The following IFNAR1 variants were observed in gnomAD, a reference collection of about 807,000 sequenced individuals.
IFNAR1 encodes the protein interferon alpha and beta receptor subunit 1, also known as interferon alpha/beta receptor 1.
IFNAR1 carries 47 observed loss-of-function variants against 62.1 expected under a neutral mutation model. That is an observed-to-expected ratio of 0.76 (90% confidence interval 0.60 to 0.97). IFNAR1 has a LOEUF of 0.97. IFNAR1 is among the 50% of genes least tolerant of loss of function. The probability of loss-of-function intolerance (pLI) is 0.00; values close to 1 mark genes in which losing one functional copy is unlikely to be tolerated. For synonymous variants in IFNAR1, 219 were observed against 226.9 expected, an observed-to-expected ratio of 0.97 and a Z score of 0.31; for missense variants, 638 against 654.5, an observed-to-expected ratio of 0.97 and a Z score of 0.27.
At chr21:33,336,385 C>T (rs979221611) in intron 2 of IFNAR1, among the ~76,000 whole-genome samples, 3 of 142,292 alleles carry the variant, frequency 2.1e-5, no homozygotes, top group South Asian at 2.4e-4. Context: ...AATAAACATA[C>T]GTGTGCATGT....
At chr21:33,353,862 A>C in intron 10 of IFNAR1, 79 bp downstream of exon 10, 1 of 952,664 alleles carries the variant, frequency 1.0e-6, no homozygotes, top group Middle Eastern at 2.6e-4. Context: ...GGATATATGT[A>C]GGTTTTCTTG....
In IFNAR1 at chr21:33,328,282, G is replaced by A. The variant is rs114436252; in HGVS notation, c.76+3151G>A. 3.5e-3 allele frequency among the ~76,000 whole-genome samples: 529 copies of A among 152,310 alleles called. 3 individuals carry two copies. The highest frequency in any genetic ancestry group is 0.012 in the African/African-American group (498 of 41,574). On this transcript the variant is annotated intron_variant, in intron 1 of 10. Transcript: ENST00000270139. ...TAGCAGGCTTCAGAGAGAATAGATT[G>A]TAACTGTTTCTTGTGAAACTTAACG...
intron 1 of IFNAR1, among the ~76,000 whole-genome samples, chr21:33,331,706 A>G (rs1304688701): frequency 2.6e-5 from 4 of 151,998 alleles, no homozygotes; most frequent in Non-Finnish European, 5.9e-5. Flanking sequence ...AGCTATTCCA[A>G]GATTTAGAGT....
intron 1 of IFNAR1, among the ~76,000 whole-genome samples, chr21:33,330,906 A>G (rs1273527571): frequency 6.6e-6 from 1 of 152,208 alleles, no homozygotes; most frequent in East Asian, 1.9e-4. Flanking sequence ...AGCCAAGCTG[A>G]GGAAGCTGCC....
At position 33,356,090 on chromosome 21, in the gene IFNAR1, C is replaced by T. The variant is rs767477529; in HGVS notation, c.*541C>T. ...TGTAAAATCATGAAAAAGCCTGTCA[C>T]CGGACTTGCATTGGATGAGATGAGT... On this transcript the variant is annotated 3_prime_UTR_variant, in exon 11 of 11. Coordinates refer to ENST00000270139, the MANE Select transcript of IFNAR1 (RefSeq NM_000629.3). 6.6e-6 allele frequency: 1 copy of T among 152,232 alleles called. No individual in the cohort carries two copies. Among genetic ancestry groups the T allele is most frequent in the Non-Finnish European group, 1.5e-5 (1 of 68,062 alleles). 9.4% of individuals were successfully genotyped at this position (152,232 alleles called of 1,614,324 possible).
chr21:33,338,304 A>T (rs2083261550), intron 2 of IFNAR1, among the ~76,000 whole-genome samples: 1 of 152,154 alleles, frequency 6.6e-6, no homozygotes, highest in Admixed American at 6.5e-5. Flanking sequence ...AGGCCAAGGC[A>T]GGTGGATCAC....
intron 9 of IFNAR1, 28 bp from the exon 10 acceptor site, chr21:33,353,610 A>G (rs755556113): frequency 1.2e-5 from 16 of 1,372,922 alleles, no homozygotes; most frequent in Non-Finnish European, 1.3e-5. Context: ...GTCAAAATAT[A>G]TGCTAAATAT....
At chr21:33,331,561 CT>C (rs2083181494) in intron 1 of IFNAR1, among the ~76,000 whole-genome samples, 1 of 152,138 alleles carries the variant, frequency 6.6e-6, no homozygotes, top group Non-Finnish European at 1.5e-5. Flanking sequence ...CTGAGACACT[CT>C]GAGGAGTGGA....
At chr21:33,350,679 G>A (rs1207521499) in intron 8 of IFNAR1, among the ~76,000 whole-genome samples, 1 of 152,132 alleles carries the variant, frequency 6.6e-6, no homozygotes, top group Non-Finnish European at 1.5e-5. Context: ...AGTCAGGCTG[G>A]TAAATTCTTT....
chr21:33,347,797 G>T (rs920487071), intron 6 of IFNAR1, among the ~76,000 whole-genome samples: 2 of 152,186 alleles, frequency 1.3e-5, no homozygotes, highest in Non-Finnish European at 2.9e-5. Flanking sequence ...GAATCTTGGG[G>T]GCCATCTCAG....
chr21:33,355,543 T>C lies in IFNAR1; in HGVS notation c.1668T>C (p.Phe556=), dbSNP rs751192073. ...CAAGTGAAGAACTACAGCAGGACTTTGTATGACCAGAAATGAACTGTGTCA... is the reference window on the plus strand; with the variant it reads ...CAAGTGAAGAACTACAGCAGGACTTCGTATGACCAGAAATGAACTGTGTCA... ...SKTSEELQQD[F]V Residue 556 remains phenylalanine (F), a synonymous_variant, in exon 11 of 11, where the codon TTT becomes TTC. Coordinates refer to ENST00000270139, the MANE Select transcript of IFNAR1 (RefSeq NM_000629.3). 3 of 1,554,800 alleles carry C rather than the reference T, an allele frequency of 1.9e-6. No homozygotes were observed. Among genetic ancestry groups the C allele is most frequent in the South Asian group, 1.2e-5 (1 of 85,214 alleles).
chr21:33,351,178 C>G (rs982769406), intron 8 of IFNAR1, among the ~76,000 whole-genome samples: 2 of 152,044 alleles, frequency 1.3e-5, no homozygotes, highest in Admixed American at 6.6e-5. Flanking sequence ...TCAAAACAAC[C>G]CTGCCGGATT....
chr21:33,347,980 T>C (rs1352155813), intron 6 of IFNAR1, among the ~76,000 whole-genome samples: 3 of 152,074 alleles, frequency 2.0e-5, no homozygotes, highest in Non-Finnish European at 4.4e-5. Context: ...TAACCTGAGC[T>C]CTGGATTTGA....
chr21:33,353,834 A>G (rs1303805404), intron 10 of IFNAR1, 51 bp downstream of exon 10: 1 of 1,219,374 alleles, frequency 8.2e-7, no homozygotes, highest in Non-Finnish European at 1.2e-6. Context: ...TGAACAGAAA[A>G]TGTGTTTGAT....
At chr21:33,335,401 T>A in intron 1 of IFNAR1, 123 bp from the exon 2 acceptor site, 1 of 528,514 alleles carries the variant, frequency 1.9e-6, no homozygotes, top group Non-Finnish European at 3.2e-6. Context: ...TTTAGATTTT[T>A]AAAATATACT....
intron 8 of IFNAR1, among the ~76,000 whole-genome samples, chr21:33,351,580 A>G (rs1390051935): frequency 1.4e-5 from 2 of 139,684 alleles, no homozygotes; most frequent in African/African-American, 5.4e-5. Context: ...ACAGGTTCTC[A>G]TTCTTTTTCC....
At chr21:33,324,837 T>C (rs888044079), upstream of IFNAR1, 1 of 567,918 alleles carries the variant, frequency 1.8e-6, no homozygotes, top group Non-Finnish European at 3.2e-6. Context: ...GGAGAAGGGG[T>C]GCTAGCTAGG....
At chr21:33,345,934 A>T (rs568828640) in intron 6 of IFNAR1, among the ~76,000 whole-genome samples, 44 of 152,328 alleles carry the variant, frequency 2.9e-4, no homozygotes, top group African/African-American at 9.6e-4. Context: ...ATGAAAGAGA[A>T]CTGGCCTGGT....
chr21:33,324,741 G>A (rs2083106307), upstream of IFNAR1: 1 of 428,930 alleles, frequency 2.3e-6, no homozygotes, highest in Non-Finnish European at 4.3e-6. Flanking sequence ...CGGAAAGAGT[G>A]AGGAAGAAGA....
Sources: allele counts gnomAD v4.1 joint callset (sites outside exome capture counted in the v4.1 genomes callset), GRCh38; gene constraint gnomAD v4.1.1; transcripts MANE v1.5; gene names NCBI Gene and HGNC (gene_info 2026-07-23, HGNC 2026-07-21).